ERC2: variants seen among roughly 807,000 people sequenced by gnomAD.
ERC2 encodes the protein ERC protein 2.
Under a neutral mutation model 114.8 loss-of-function variants are expected in ERC2, and 42 were observed. The ratio of observed to expected loss-of-function variants is 0.37; its 90% confidence interval spans 0.29 to 0.47. ERC2 has a LOEUF of 0.47. ERC2 is among the 20% of genes least tolerant of loss of function. ERC2 has a pLI of 0.99. For missense variants in ERC2, 939 were observed against 1,150.7 expected (o/e 0.82, Z 2.66); for synonymous variants, 454 against 425.5 (o/e 1.07, Z -0.82).
At chr3:56,390,542 G>A (rs1319225106) in intron 2 of ERC2, among the ~76,000 whole-genome samples, 1 of 152,168 alleles carries the variant, frequency 6.6e-6, no homozygotes, top group Non-Finnish European at 1.5e-5. Context: ...TAGGTTTAGA[G>A]GGGAAGTCTC....
At chr3:55,892,866 T>C (rs2063676292) in intron 13 of ERC2, among the ~76,000 whole-genome samples, 3 of 152,158 alleles carry the variant, frequency 2.0e-5, no homozygotes, top group African/African-American at 7.2e-5. Flanking sequence ...CTGATGCTTC[T>C]CTTAGTGTTA....
intron 3 of ERC2, among the ~76,000 whole-genome samples, chr3:56,276,647 G>C (rs972628024): frequency 7.2e-5 from 11 of 152,102 alleles, no homozygotes; most frequent in Admixed American, 6.5e-4. Flanking sequence ...AATATAATTT[G>C]AGAGGTGAAT....
At chr3:55,893,542 C>A (rs1231180023) in intron 13 of ERC2, among the ~76,000 whole-genome samples, 2 of 152,148 alleles carry the variant, frequency 1.3e-5, no homozygotes, top group African/African-American at 4.8e-5. Context: ...GACCCGTGTA[C>A]ACCTGCCTAA....
intron 17 of ERC2, among the ~76,000 whole-genome samples, chr3:55,579,139 A>C (rs1464128834): frequency 6.6e-6 from 1 of 152,226 alleles, no homozygotes; most frequent in Non-Finnish European, 1.5e-5. Context: ...CACACTGCAA[A>C]GGGCATGCAT....
At chr3:55,536,714 A>G (rs2054021880) in intron 17 of ERC2, among the ~76,000 whole-genome samples, 2 of 152,220 alleles carry the variant, frequency 1.3e-5, no homozygotes, top group Admixed American at 6.5e-5. Context: ...GGTGTGGGAA[A>G]TAACTGAAGG....
intron 6 of ERC2, among the ~76,000 whole-genome samples, chr3:56,091,977 T>A (rs1434171970): frequency 6.6e-6 from 1 of 152,096 alleles, no homozygotes; most frequent in Non-Finnish European, 1.5e-5. Flanking sequence ...AAAAAACCTA[T>A]ATTATATTTA....
intron 2 of ERC2, among the ~76,000 whole-genome samples, chr3:56,365,438 C>T (rs922440207): frequency 3.3e-5 from 5 of 152,148 alleles, no homozygotes; most frequent in Admixed American, 6.5e-5. Flanking sequence ...TAAGTACACT[C>T]GACAACGTTT....
At chr3:56,182,969 C>T (rs771694124) in intron 3 of ERC2, among the ~76,000 whole-genome samples, 1 of 151,926 alleles carries the variant, frequency 6.6e-6, no homozygotes, top group Non-Finnish European at 1.5e-5. Context: ...CAAAAAAAAA[C>T]CACAATTACT....
intron 14 of ERC2, among the ~76,000 whole-genome samples, chr3:55,857,861 T>C (rs1193341724): frequency 6.6e-6 from 1 of 152,186 alleles, no homozygotes. Flanking sequence ...ATCTCTGAAA[T>C]GGTTGGGTAC....
At chr3:56,054,623 A>T (rs780315373) in intron 7 of ERC2, among the ~76,000 whole-genome samples, 15 of 152,186 alleles carry the variant, frequency 9.9e-5, no homozygotes, top group Non-Finnish European at 1.8e-4. Flanking sequence ...TGGAAAAGAT[A>T]CTGTGTTCTT....
At chr3:55,827,393 A>T (rs1257880780) in intron 14 of ERC2, among the ~76,000 whole-genome samples, 1 of 151,924 alleles carries the variant, frequency 6.6e-6, no homozygotes, top group Admixed American at 6.6e-5. Flanking sequence ...AGAAAAAGAT[A>T]AAGAGAGAAA....
At chr3:56,060,361 ATC>A (rs1409529246) in intron 7 of ERC2, among the ~76,000 whole-genome samples, 1 of 152,208 alleles carries the variant, frequency 6.6e-6, no homozygotes, top group Non-Finnish European at 1.5e-5. Flanking sequence ...TCCTTTTCCC[ATC>A]TGTAAAATGG....
intron 15 of ERC2, among the ~76,000 whole-genome samples, chr3:55,721,524 T>C (rs574425385): frequency 6.6e-6 from 1 of 152,376 alleles, no homozygotes; most frequent in East Asian, 1.9e-4. Context: ...TAGAGGTCTG[T>C]TAGCTTCTCT....
rs2053941574 is a variant in ERC2 at position 55,535,488 on chromosome 3, G to T, written c.*40-24212C>A. Among the ~76,000 whole-genome samples the T allele has an allele frequency of 4.6e-5, 7 of 152,302 alleles. No homozygotes were observed. The South Asian group carries it at 1.4e-3, about 32-fold the overall frequency. The stretch of plus-strand genomic sequence containing the variant: ...ATTGAGGGGTGTTGCCAGAGCAAAA[G>T]ATTTATACCCAGGAGACAAATGTTT... On this transcript the variant is annotated intron_variant, in intron 17 of 17. Transcript: ENST00000288221.
At chr3:55,596,552 A>C (rs2058147633) in intron 17 of ERC2, among the ~76,000 whole-genome samples, 1 of 152,220 alleles carries the variant, frequency 6.6e-6, no homozygotes, top group African/African-American at 2.4e-5. Context: ...CACTCCAGCC[A>C]GGGTTATTGA....
intron 7 of ERC2, among the ~76,000 whole-genome samples, chr3:56,064,413 A>G (rs1411286431): frequency 4.6e-5 from 7 of 152,226 alleles, no homozygotes; most frequent in Non-Finnish European, 8.8e-5. Context: ...TCAGTCTATC[A>G]TATGTGACCT....
chr3:55,667,119 AG>A (rs1488739388), intron 17 of ERC2, among the ~76,000 whole-genome samples: 1 of 152,176 alleles, frequency 6.6e-6, no homozygotes, highest in Non-Finnish European at 1.5e-5. Context: ...AGGGTTGGGG[AG>A]GATAATGGAA....
At chr3:55,650,848 TTTTC>T (rs879876526) in intron 17 of ERC2, among the ~76,000 whole-genome samples, 2,890 of 151,214 alleles carry the variant, frequency 0.019, 41 homozygotes, top group Middle Eastern at 0.059. Context: ...GGTGTTTTTT[TTTTC>T]TTTTTTTTTT....
chr3:55,650,851 TC>T (rs1553740454), intron 17 of ERC2, among the ~76,000 whole-genome samples: 14 of 124,494 alleles, frequency 1.1e-4, no homozygotes, highest in Admixed American at 7.5e-4. Flanking sequence ...GTTTTTTTTT[TC>T]TTTTTTTTTT....
Sources: allele counts gnomAD v4.1 joint callset (sites outside exome capture counted in the v4.1 genomes callset), GRCh38; gene constraint gnomAD v4.1.1; transcripts MANE v1.5; gene names NCBI Gene and HGNC (gene_info 2026-07-23, HGNC 2026-07-21).